SYNPR: variants seen among roughly 807,000 people sequenced by gnomAD.
SYNPR encodes synaptoporin.
Under a neutral mutation model 32.9 loss-of-function variants are expected in SYNPR, and 23 were observed. The ratio of observed to expected loss-of-function variants is 0.70; its 90% CI spans 0.50 to 0.99. The LOEUF (loss-of-function observed/expected upper bound fraction) is 0.99, where lower values mean the gene tolerates loss of function less well. SYNPR is among the 50% of genes least tolerant of loss of function. The pLI is 0.00. For synonymous variants in SYNPR, 146 were observed against 135.9 expected (o/e 1.07, Z -0.52); for missense variants, 318 against 349.3 (o/e 0.91, Z 0.71).
chr3:63,242,836 T>C (rs2086258357), intron 1 of SYNPR, among the ~76,000 whole-genome samples: 2 of 151,554 alleles, frequency 1.3e-5, no homozygotes, highest in African/African-American at 2.4e-5. Context: ...AAAAAGGAAA[T>C]AGAAAAGATA....
chr3:63,533,944 C>A (rs989408736), intron 3 of SYNPR, among the ~76,000 whole-genome samples: 1 of 152,114 alleles, frequency 6.6e-6, no homozygotes, highest in Non-Finnish European at 1.5e-5. Flanking sequence ...GATAATGTTG[C>A]TACTGTCGAT....
chr3:63,335,603 G>C (rs1257666262), intron 2 of SYNPR, among the ~76,000 whole-genome samples: 1 of 151,904 alleles, frequency 6.6e-6, no homozygotes, highest in Non-Finnish European at 1.5e-5. Context: ...TCTGATCTTG[G>C]TAGCCTTAAC....
At chr3:63,607,847 C>G (rs1700145483) in intron 4 of SYNPR, among the ~76,000 whole-genome samples, 1 of 151,222 alleles carries the variant, frequency 6.6e-6, no homozygotes, top group Non-Finnish European at 1.5e-5. Context: ...CAGTGTAGAT[C>G]ATGGGATCGT....
rs1343633106 is a variant in SYNPR at position 63,278,670 on chromosome 3, C to T, written c.19-7C>T. The T allele has an allele frequency of 6.4e-7, 1 of 1,551,568 alleles. No individual in the cohort carries two copies. Among genetic ancestry groups the T allele is most frequent in the African/African-American group, 1.4e-5 (1 of 73,054 alleles). Reference sequence around the variant, plus strand: ...TGCTTTCTCTCTCTCGCCTCATTCCCCCAAAGCTGGCCTCTGCGGGCACCT... The same window carrying T: ...TGCTTTCTCTCTCTCGCCTCATTCCTCCAAAGCTGGCCTCTGCGGGCACCT... On this transcript the variant is annotated splice_polypyrimidine_tract_variant and splice_region_variant and intron_variant, in intron 1 of 5. Transcript: ENST00000478300.
Position 63,615,475 on chromosome 3 carries a change from G to A in SYNPR, c.852G>A (p.Gln284=). ...CTGGCCCCACTTCCTTTACCAATCA[G>A]ATTTAACAGAGTAGCATTTGCATTC... ...QPTGPTSFTN[Q]I Residue 284 remains glutamine, a synonymous_variant, in exon 6 of 6, where the codon CAG becomes CAA. Coordinates refer to ENST00000478300, the MANE Select transcript of SYNPR (RefSeq NM_001130003.2). 1 of 1,612,998 alleles carries A rather than the reference G, an allele frequency of 6.2e-7. No homozygotes were observed. Among genetic ancestry groups the A allele is most frequent in the Non-Finnish European group, 8.5e-7 (1 of 1,179,190 alleles).
chr3:63,228,656 G>A (rs1264178165), intron 1 of SYNPR, among the ~76,000 whole-genome samples: 4 of 151,656 alleles, frequency 2.6e-5, no homozygotes, highest in Non-Finnish European at 5.9e-5. Context: ...TTTTTCATGG[G>A]TTAAACCTAT....
intron 3 of SYNPR, among the ~76,000 whole-genome samples, chr3:63,506,391 T>G (rs1331296745): frequency 6.6e-6 from 1 of 152,220 alleles, no homozygotes; most frequent in African/African-American, 2.4e-5. Context: ...CCTAATGGAT[T>G]TTCTCATTTA....
At chr3:63,438,978 C>T (rs1172989516) in intron 2 of SYNPR, among the ~76,000 whole-genome samples, 1 of 152,150 alleles carries the variant, frequency 6.6e-6, no homozygotes, top group Non-Finnish European at 1.5e-5. Flanking sequence ...TTGCTAAATG[C>T]TTAGAAAGCT....
chr3:63,408,085 T>G (rs2088385541), intron 2 of SYNPR, among the ~76,000 whole-genome samples: 1 of 149,596 alleles, frequency 6.7e-6, no homozygotes, highest in African/African-American at 2.5e-5. Context: ...CCTTGGCTTT[T>G]CCTTGGCTGC....
chr3:63,371,101 C>T (rs1057093199), intron 2 of SYNPR, among the ~76,000 whole-genome samples: 3 of 152,036 alleles, frequency 2.0e-5, no homozygotes, highest in South Asian at 2.1e-4. Context: ...AGACAACCAC[C>T]CACCTGGGAT....
intron 4 of SYNPR, among the ~76,000 whole-genome samples, chr3:63,583,051 T>G (rs1230902562): frequency 1.3e-5 from 2 of 152,022 alleles, no homozygotes; most frequent in Non-Finnish European, 2.9e-5. Flanking sequence ...TTTATAGGAC[T>G]GGGGTAGGCA....
At chr3:63,276,578 C>T (rs1039269482), upstream of SYNPR, among the ~76,000 whole-genome samples, 2 of 152,082 alleles carry the variant, frequency 1.3e-5, no homozygotes, top group African/African-American at 4.8e-5. Flanking sequence ...AGATCATATA[C>T]ATACATGGTA....
chr3:63,306,616 A>G (rs2086913348), intron 2 of SYNPR, among the ~76,000 whole-genome samples: 1 of 152,050 alleles, frequency 6.6e-6, no homozygotes, highest in Non-Finnish European at 1.5e-5. Flanking sequence ...GATAAAGATC[A>G]AAGTTAGCAG....
At chr3:63,546,424 C>T (rs1483857969) in intron 3 of SYNPR, among the ~76,000 whole-genome samples, 1 of 151,550 alleles carries the variant, frequency 6.6e-6, no homozygotes, top group Non-Finnish European at 1.5e-5. Flanking sequence ...ATTCTTAAAA[C>T]CACAATACAC....
At chr3:63,201,574 G>A in the SYNPR span, among the ~76,000 whole-genome samples, 1 of 151,988 alleles carries the variant, frequency 6.6e-6, no homozygotes, top group Non-Finnish European at 1.5e-5. Context: ...GTACTGATTG[G>A]GAGATATCTT....
At chr3:63,565,299 T>C (rs868731121) in intron 4 of SYNPR, among the ~76,000 whole-genome samples, 4 of 152,216 alleles carry the variant, frequency 2.6e-5, no homozygotes, top group Middle Eastern at 6.8e-3. Flanking sequence ...TACCTGAGAC[T>C]GGGTAATTTT....
At chr3:63,428,100 C>T (rs539549046) in intron 2 of SYNPR, among the ~76,000 whole-genome samples, 1 of 152,116 alleles carries the variant, frequency 6.6e-6, no homozygotes, top group African/African-American at 2.4e-5. Flanking sequence ...TGAATTGCAG[C>T]GTTGTTTACA....
At position 63,346,330 on chromosome 3, in the gene SYNPR, T is replaced by C. The variant is rs1010238544; in HGVS notation, c.84+67588T>C. ...TTTTTTCATTTTTTTGGTAGATTTA[T>C]GTTTATATAAACCACTGTTGAAGTA... On this transcript the variant is annotated intron_variant, in intron 2 of 5. Transcript: ENST00000478300. Among the ~76,000 whole-genome samples, 7 of 152,222 alleles carry C rather than the reference T, an allele frequency of 4.6e-5. No homozygotes were observed. In the South Asian group the frequency reaches 1.4e-3, roughly 31 times the overall value.
chr3:63,437,672 A>G (rs976833871), intron 2 of SYNPR, among the ~76,000 whole-genome samples: 4 of 152,060 alleles, frequency 2.6e-5, no homozygotes, highest in South Asian at 2.1e-4. Flanking sequence ...AGAAAGAAAG[A>G]AAAAGAAGGA....
Sources: gnomAD v4.1 joint callset for allele counts (sites outside exome capture counted in the v4.1 genomes callset) on GRCh38, gnomAD v4.1.1 for gene constraint, MANE v1.5 for transcripts, NCBI Gene and HGNC (gene_info 2026-07-23, HGNC 2026-07-21) for gene names.